Variants in ALDH7A1 observed in about 807,000 individuals in gnomAD.
The protein encoded by ALDH7A1 is aldehyde dehydrogenase 7 family member A1, also known as alpha-aminoadipic semialdehyde dehydrogenase.
In ALDH7A1, 63 loss-of-function variants were observed where a neutral mutation model predicts 79.9. That is an observed-to-expected ratio of 0.79 (90% CI 0.64 to 0.97). ALDH7A1 has a LOEUF of 0.97. Among genes scored for constraint, ALDH7A1 ranks in the 50% least tolerant of loss-of-function variants. ALDH7A1 has a pLI of 0.00. For missense variants in ALDH7A1, 627 were observed against 665.2 expected (o/e 0.94, Z 0.63); for synonymous variants, 240 against 231.2 (o/e 1.04, Z -0.34).
intron 9 of ALDH7A1, among the ~76,000 whole-genome samples, chr5:126,567,328 C>A (rs1243540005): frequency 4.6e-5 from 7 of 152,168 alleles, no homozygotes; most frequent in Non-Finnish European, 2.9e-5. Flanking sequence ...GCGACTGTAC[C>A]CTTTCTACAG....
intron 3 of ALDH7A1, among the ~76,000 whole-genome samples, chr5:126,591,261 G>A (rs1277310612): frequency 6.6e-6 from 1 of 152,168 alleles, no homozygotes; most frequent in Non-Finnish European, 1.5e-5. Context: ...ACTTGTGGAA[G>A]TGGTATTTTT....
intron 7 of ALDH7A1, among the ~76,000 whole-genome samples, chr5:126,574,079 A>G (rs1306281156): frequency 1.3e-5 from 2 of 148,820 alleles, no homozygotes; most frequent in African/African-American, 2.5e-5. Context: ...TTTCCAGCCC[A>G]CCACTTTCCA....
At chr5:126,571,310 T>G (rs924701034) in intron 7 of ALDH7A1, among the ~76,000 whole-genome samples, 1 of 151,644 alleles carries the variant, frequency 6.6e-6, no homozygotes, top group Non-Finnish European at 1.5e-5. Context: ...AAACCCCATC[T>G]CTACTAAAAA....
intron 14 of ALDH7A1, among the ~76,000 whole-genome samples, 185 bp from the exon 15 acceptor site, chr5:126,550,478 G>A (rs796163538): frequency 1.3e-5 from 2 of 151,878 alleles, no homozygotes; most frequent in Admixed American, 6.6e-5. Flanking sequence ...AAAAATTTTG[G>A]GATTTTTCCC....
intron 16 of ALDH7A1, among the ~76,000 whole-genome samples, chr5:126,549,125 G>A (rs558172645): frequency 2.2e-4 from 32 of 148,684 alleles, no homozygotes; most frequent in Middle Eastern, 3.5e-3. Context: ...GAGAGAGCAG[G>A]CATGGGTTGG....
In ALDH7A1 at chr5:126,589,420, T is replaced by C. The variant is rs370425229; in HGVS notation, c.312+3244A>G. 1.7e-3 allele frequency among the ~76,000 whole-genome samples: 258 copies of C among 151,990 alleles called. 1 individual carries two copies. Among genetic ancestry groups the C allele is most frequent in the African/African-American group, 6.0e-3 (249 of 41,498 alleles). On this transcript the variant is annotated intron_variant, in intron 3 of 17. Coordinates refer to ENST00000409134, the MANE Select transcript of ALDH7A1 (RefSeq NM_001182.5). ...GATCCGCCCACTTGGCCTCCCAAAGTGCTGGGATTACAGGCGTGAGCCATC... is the reference window on the plus strand; with the variant it reads ...GATCCGCCCACTTGGCCTCCCAAAGCGCTGGGATTACAGGCGTGAGCCATC...
chr5:126,553,806 C>G (rs961855139), intron 13 of ALDH7A1, among the ~76,000 whole-genome samples: 2 of 152,058 alleles, frequency 1.3e-5, no homozygotes, highest in African/African-American at 2.4e-5. Flanking sequence ...AGAGCAAGAC[C>G]CTGTCACAAA....
rs1131691976 is a variant in ALDH7A1 at position 126,577,097 on chromosome 5, C to A, written c.632G>T (p.Cys211Phe). The change falls in exon 6 of 18, where the codon TGT becomes TTT. Residue 211 changes from cysteine (C) to phenylalanine (F), a missense_variant. By Grantham distance (205) the Cys-to-Phe change is radical (BLOSUM62 -2). Transcript: ENST00000409134. The part of the protein sequence containing the change: ...YGWNNAIAMI[C>F]GNVCLWKGAP... Reference sequence around the variant, plus strand: ...GTCTTACCAGAGGCAGACATTTCCACAGATCATGGCGATGGCGTTGTTCCA... The same window carrying A: ...GTCTTACCAGAGGCAGACATTTCCAAAGATCATGGCGATGGCGTTGTTCCA... 1.9e-6 allele frequency: 3 copies of A among 1,614,140 alleles called. No individual in the cohort carries two copies. Among genetic ancestry groups the A allele is most frequent in the Non-Finnish European group, 2.5e-6 (3 of 1,180,038 alleles).
At chr5:126,570,693 ATAAG>A (rs1750741129) in intron 8 of ALDH7A1, 85 bp downstream of exon 8, 1 of 1,259,106 alleles carries the variant, frequency 7.9e-7, no homozygotes, top group African/African-American at 1.5e-5. Flanking sequence ...CTCCTTAGTT[ATAAG>A]TGAGTTCATT....
intron 5 of ALDH7A1, among the ~76,000 whole-genome samples, chr5:126,579,130 C>T (rs192107414): frequency 6.6e-6 from 1 of 152,324 alleles, no homozygotes; most frequent in East Asian, 1.9e-4. Flanking sequence ...GTCCAATCTC[C>T]TTGTCAGACA....
chr5:126,559,729 G>A (rs1031061916), intron 10 of ALDH7A1, among the ~76,000 whole-genome samples: 5 of 152,086 alleles, frequency 3.3e-5, no homozygotes, highest in African/African-American at 4.8e-5. Context: ...CACTGTGCCC[G>A]GCAAACGTTT....
chr5:126,554,855 T>C, intron 12 of ALDH7A1: 1 of 265,702 alleles, frequency 3.8e-6, no homozygotes, highest in South Asian at 4.4e-5. Flanking sequence ...AGAATGATGC[T>C]GTCCTATGTT....
intron 3 of ALDH7A1, 190 bp downstream of exon 3, chr5:126,592,474 A>C (rs573450566): frequency 3.3e-6 from 2 of 608,642 alleles, no homozygotes; most frequent in East Asian, 5.5e-5. Flanking sequence ...AGTACAAAAA[A>C]GGCACTACCC....
rs373206133 is a variant in ALDH7A1 at position 126,564,563 on chromosome 5, A to G, written c.872-3439T>C. 164 of 1,248,458 alleles carry G rather than the reference A, an allele frequency of 1.3e-4. 2 individuals are homozygous for G. The African/African-American group carries it at 2.4e-3, about 18-fold the overall frequency. 77.3% of individuals were successfully genotyped at this position (1,248,458 alleles called of 1,614,324 possible). On this transcript the variant is annotated intron_variant, in intron 9 of 17. Coordinates refer to ENST00000409134, the MANE Select transcript of ALDH7A1 (RefSeq NM_001182.5). Reference sequence around the variant, plus strand: ...TGTGATATCAGGAGCATATGTGACAACAGCAGAGTATCTTCTCATTTCCAT... The same window carrying G: ...TGTGATATCAGGAGCATATGTGACAGCAGCAGAGTATCTTCTCATTTCCAT...
At chr5:126,589,400 G>A (rs77050761) in intron 3 of ALDH7A1, among the ~76,000 whole-genome samples, 15,556 of 151,812 alleles carry the variant, frequency 0.1, 1,074 homozygotes, top group East Asian at 0.32. Context: ...CAGGTGATCC[G>A]CCCACTTGGC....
intron 9 of ALDH7A1, among the ~76,000 whole-genome samples, chr5:126,563,405 T>C (rs1025221547): frequency 8.5e-5 from 13 of 152,374 alleles, no homozygotes; most frequent in Admixed American, 4.6e-4. Context: ...CAGTGTTGAA[T>C]ATATTTGTTG....
intron 3 of ALDH7A1, chr5:126,587,452 A>G (rs891258482): frequency 6.6e-6 from 1 of 152,070 alleles, no homozygotes; most frequent in Non-Finnish European, 1.5e-5. Flanking sequence ...AGCCTGGCCA[A>G]CGTGGTGAAA....
chr5:126,578,638 CAAAA>C (rs70994880), intron 5 of ALDH7A1, among the ~76,000 whole-genome samples: 18 of 90,370 alleles, frequency 2.0e-4, no homozygotes, highest in Non-Finnish European at 4.0e-4. Flanking sequence ...GACCCTGTAT[CAAAA>C]AAAAAAAAAA....
intron 3 of ALDH7A1, chr5:126,588,614 A>G (rs965384837): frequency 6.6e-6 from 1 of 152,236 alleles, no homozygotes; most frequent in Non-Finnish European, 1.5e-5. Context: ...GTTAAGTTGC[A>G]CTAGCATTCA....
Sources: gnomAD v4.1 joint callset for allele counts (sites outside exome capture counted in the v4.1 genomes callset) on GRCh38, gnomAD v4.1.1 for gene constraint, MANE v1.5 for transcripts, NCBI Gene and HGNC (gene_info 2026-07-23, HGNC 2026-07-21) for gene names.